Variants in TNC observed in about 807,000 individuals in gnomAD.
The protein encoded by TNC is tenascin.
TNC carries 109 observed loss-of-function variants against 202.4 expected under a neutral mutation model. The observed-to-expected ratio is 0.54, with a 90% confidence interval of 0.46 to 0.63. TNC has a LOEUF of 0.63. Ranked by LOEUF, TNC falls within the 30% of genes least tolerant of loss-of-function variation. The probability of loss-of-function intolerance (pLI) is 0.00; values close to 1 mark genes in which losing one functional copy is unlikely to be tolerated. For synonymous variants in TNC, 1,007 were observed against 1,089.7 expected (o/e 0.92, Z 1.50); for missense variants, 2,756 against 2,833.3 (o/e 0.97, Z 0.62).
intron 15 of TNC, among the ~76,000 whole-genome samples, chr9:115,052,201 C>T (rs1334971200): frequency 3.3e-5 from 5 of 151,524 alleles, no homozygotes; most frequent in African/African-American, 4.8e-5. Context: ...GTGAAATAAT[C>T]GAGGCACAGA....
intron 1 of TNC, among the ~76,000 whole-genome samples, chr9:115,114,287 C>T (rs1045259478): frequency 1.3e-5 from 2 of 152,176 alleles, no homozygotes; most frequent in Non-Finnish European, 2.9e-5. Context: ...CTGAGGCTTC[C>T]GCTGAATTTG....
Position 115,020,993 on chromosome 9 carries a change from G to A in TNC, c.*164C>T, listed in dbSNP as rs1829020198. On this transcript the variant is annotated 3_prime_UTR_variant, in exon 28 of 28. Transcript: ENST00000350763. ...CAAAGAAAGAAATCACAGAGGAGGT[G>A]AGGCCCATGCTGTTGCCGTTGGCCC... 6.9e-6 allele frequency: 4 copies of A among 577,000 alleles called. No homozygotes were observed. Among genetic ancestry groups the A allele is most frequent in the Non-Finnish European group, 1.2e-5 (4 of 326,446 alleles). The allele number at this position is 577,000 out of a possible 1,614,324, so 35.7% of individuals were successfully genotyped here.
chr9:115,085,373 T>C (rs1026795781), intron 3 of TNC, among the ~76,000 whole-genome samples: 1 of 152,270 alleles, frequency 6.6e-6, no homozygotes, highest in Non-Finnish European at 1.5e-5. Flanking sequence ...GTTGTTTTTA[T>C]GTAATCTCAC....
At chr9:115,042,584 T>C (rs1802704968) in intron 17 of TNC, among the ~76,000 whole-genome samples, 1 of 152,202 alleles carries the variant, frequency 6.6e-6, no homozygotes, top group Non-Finnish European at 1.5e-5. Flanking sequence ...AGGGGAGTGA[T>C]AGGACCATAG....
In TNC at chr9:115,061,683, A is replaced by G. The variant is rs150040185; in HGVS notation, c.4033+1234T>C. 3.3e-4 allele frequency among the ~76,000 whole-genome samples: 50 copies of G among 152,334 alleles called. 1 individual carries two copies. Among genetic ancestry groups the G allele is most frequent in the Middle Eastern group, 6.8e-3 (2 of 294 alleles). On this transcript the variant is annotated intron_variant, in intron 13 of 27. Transcript: ENST00000350763. ...ATTGAGTGATTTGGATTGCATTATCAAAAGGCAGCATATGTAGAGTGGGGC... is the reference window on the plus strand; with the variant it reads ...ATTGAGTGATTTGGATTGCATTATCGAAAGGCAGCATATGTAGAGTGGGGC...
Position 115,046,505 on chromosome 9 carries a change from A to G in TNC, c.5030T>C (p.Ile1677Thr). The G allele has an allele frequency of 6.2e-7, 1 of 1,614,114 alleles. No homozygotes were observed. Among genetic ancestry groups the G allele is most frequent in the Non-Finnish European group, 8.5e-7 (1 of 1,179,998 alleles). ...TTCAGTAGCCTCTCTGAGACCTGTT[A>G]TGTCCCTGGTACGTTCGGGGGCAAG... ...TLLAPERTRD[I>T]TGLREATEYE... The change falls in exon 17 of 28, where the codon ATA becomes ACA. Residue 1677 changes from isoleucine (I) to threonine (T), a missense_variant. Physicochemically the swap from Ile to Thr is moderately conservative, Grantham distance 89. Coordinates refer to ENST00000350763, the MANE Select transcript of TNC (RefSeq NM_002160.4).
intron 1 of TNC, among the ~76,000 whole-genome samples, chr9:115,100,656 G>A (rs562077027): frequency 1.3e-3 from 199 of 152,138 alleles, no homozygotes; most frequent in African/African-American, 4.5e-3. Context: ...GCATATGTAC[G>A]GCATGGTGAC....
chr9:115,033,825 T>G (rs1170531337), intron 22 of TNC, among the ~76,000 whole-genome samples: 1 of 152,058 alleles, frequency 6.6e-6, no homozygotes, highest in Non-Finnish European at 1.5e-5. Flanking sequence ...ACTTGGTAGA[T>G]AGAAAGTGAG....
In TNC at chr9:115,105,983, C is replaced by T. The variant is rs989508681; in HGVS notation, c.-137+11999G>A. Reference sequence around the variant, plus strand: ...AGTCACAGGATTAGGTTGGATGGCACACGATGGGGGAAGAACTGATAGAGA... The same window carrying T: ...AGTCACAGGATTAGGTTGGATGGCATACGATGGGGGAAGAACTGATAGAGA... On this transcript the variant is annotated intron_variant, in intron 1 of 27. Coordinates refer to ENST00000350763, the MANE Select transcript of TNC (RefSeq NM_002160.4). Among the ~76,000 whole-genome samples, 3 of 152,066 alleles carry T rather than the reference C, an allele frequency of 2.0e-5. No individual in the cohort carries two copies. The South Asian group carries it at 6.2e-4, about 32-fold the overall frequency.
intron 6 of TNC, among the ~76,000 whole-genome samples, chr9:115,079,199 C>T (rs922955366): frequency 1.9e-4 from 28 of 150,534 alleles, no homozygotes. Flanking sequence ...TTCAGTGAAT[C>T]TTTGAATCTT....
At chr9:115,045,405 C>T (rs531998853) in intron 17 of TNC, among the ~76,000 whole-genome samples, 13 of 152,188 alleles carry the variant, frequency 8.5e-5, no homozygotes, top group African/African-American at 2.9e-4. Context: ...CTTGCTCTGT[C>T]GTCCAGGTGG....
At chr9:115,056,481 T>C (rs1392826091) in intron 15 of TNC, among the ~76,000 whole-genome samples, 1 of 152,228 alleles carries the variant, frequency 6.6e-6, no homozygotes, top group East Asian at 1.9e-4. Flanking sequence ...TTCTTTTGTT[T>C]TTTAAACTAA....
At chr9:115,066,910 C>A (rs564793623) in intron 10 of TNC, among the ~76,000 whole-genome samples, 1 of 152,292 alleles carries the variant, frequency 6.6e-6, no homozygotes, top group East Asian at 1.9e-4. Context: ...CCTATAAAGT[C>A]TAAAATATTT....
intron 7 of TNC, among the ~76,000 whole-genome samples, chr9:115,077,714 C>A (rs554537437): frequency 6.6e-6 from 1 of 152,330 alleles, no homozygotes; most frequent in East Asian, 1.9e-4. Flanking sequence ...AGACCAGCAT[C>A]TTCTACATAT....
At chr9:115,092,358 C>T (rs1564132932) in intron 1 of TNC, among the ~76,000 whole-genome samples, 1 of 152,090 alleles carries the variant, frequency 6.6e-6, no homozygotes, top group Non-Finnish European at 1.5e-5. Context: ...AGCTATTCAC[C>T]TGTATGAGCA....
chr9:115,089,754 C>T (rs1384284592), intron 2 of TNC, among the ~76,000 whole-genome samples: 1 of 152,206 alleles, frequency 6.6e-6, no homozygotes, highest in African/African-American at 2.4e-5. Flanking sequence ...CCCGCCTTAG[C>T]CTCCCAAAGT....
At chr9:115,115,892 G>A (rs1488430717) in intron 1 of TNC, among the ~76,000 whole-genome samples, 1 of 152,138 alleles carries the variant, frequency 6.6e-6, no homozygotes, top group Non-Finnish European at 1.5e-5. Context: ...CTGGGGGTTT[G>A]CCCTAAATTC....
At chr9:115,075,973 A>C in intron 9 of TNC, 59 bp downstream of exon 9, 3 of 1,484,576 alleles carry the variant, frequency 2.0e-6, no homozygotes, top group Non-Finnish European at 2.8e-6. Flanking sequence ...GGCCACATTG[A>C]CTCTGTCTCA....
intron 27 of TNC, 43 bp downstream of exon 27, chr9:115,023,930 C>G: frequency 6.3e-7 from 1 of 1,591,602 alleles, no homozygotes. Context: ...CCCCCTCCAG[C>G]TTCCCAAGCT....
Sources: allele counts gnomAD v4.1 joint callset (sites outside exome capture counted in the v4.1 genomes callset), GRCh38; gene constraint gnomAD v4.1.1; transcripts MANE v1.5; gene names NCBI Gene and HGNC (gene_info 2026-07-23, HGNC 2026-07-21).